The following CBR3 variants were observed in gnomAD, a reference collection of about 807,000 sequenced individuals.
CBR3 encodes the protein carbonyl reductase 3.
Under a neutral mutation model 11.6 loss-of-function variants are expected in CBR3, and 14 were observed. The ratio of observed to expected loss-of-function variants is 1.20; its 90% CI spans 0.79 to 1.88. The LOEUF (loss-of-function observed/expected upper bound fraction) is 1.88, where lower values mean the gene tolerates loss of function less well. CBR3 is among the 40% of genes most tolerant of loss of function. The pLI, the probability that CBR3 is intolerant of heterozygous loss-of-function variation, is 0.00. For synonymous variants in CBR3, 125 were observed against 145.6 expected (o/e 0.86, Z 1.02); for missense variants, 308 against 357.3 (o/e 0.86, Z 1.11).
At position 36,139,881 on chromosome 21, in the gene CBR3, CT is replaced by C. The variant is rs10689993; in HGVS notation, c.397+1971del. Among the ~76,000 whole-genome samples, 51 of 89,866 alleles carry C rather than the reference CT, an allele frequency of 5.7e-4. 1 individual carries two copies. Among genetic ancestry groups the C allele is most frequent in the South Asian group, 1.9e-3 (4 of 2,126 alleles). The allele number at this position is 89,866 out of a possible 152,430, so 59.0% of individuals were successfully genotyped here. On this transcript the variant is annotated intron_variant, in intron 2 of 2. Transcript: ENST00000290354. ...ACAAAATTATCTCTGGATGCAAAACCTTTTTTTTTTTTTTTTTTTTTTCTGA... is the reference window on the plus strand; with the variant it reads ...ACAAAATTATCTCTGGATGCAAAACCTTTTTTTTTTTTTTTTTTTTTCTGA...
chr21:36,135,278 T>A lies in CBR3; in HGVS notation c.86T>A (p.Phe29Tyr), dbSNP rs1389616712. The A allele has an allele frequency of 1.2e-6, 2 of 1,607,534 alleles. No homozygotes were observed. Among genetic ancestry groups the A allele is most frequent in the Admixed American group, 3.4e-5 (2 of 59,516 alleles). The change falls in exon 1 of 3, where the codon TTC (phenylalanine) becomes TAC (tyrosine). Residue 29 changes from phenylalanine (F) to tyrosine (Y), a missense_variant. Coordinates refer to ENST00000290354, the MANE Select transcript of CBR3 (RefSeq NM_001236.4). Reference protein sequence around the residue: ...LAIARELCRQFSGDVVLTARD... With the variant: ...LAIARELCRQYSGDVVLTARD... ...ATCGCGCGCGAACTGTGCCGACAGT[T>A]CTCTGGGGATGTGGTGCTCACCGCG...
intron 2 of CBR3, among the ~76,000 whole-genome samples, chr21:36,141,145 C>T (rs2065705526): frequency 6.6e-6 from 1 of 151,656 alleles, no homozygotes; most frequent in African/African-American, 2.4e-5. Context: ...GTGGCATGTT[C>T]CAGCTTCTCG....
At chr21:36,141,131 C>A (rs1469442610) in intron 2 of CBR3, among the ~76,000 whole-genome samples, 1 of 151,556 alleles carries the variant, frequency 6.6e-6, no homozygotes, top group Non-Finnish European at 1.5e-5. Context: ...ATTAGCTGGG[C>A]ATAGTGGCAT....
At position 36,146,545 on chromosome 21, in the gene CBR3, G is replaced by A; in HGVS notation, c.*33G>A. The A allele has an allele frequency of 6.6e-7, 1 of 1,520,014 alleles. No homozygotes were observed. The highest frequency in any genetic ancestry group is 8.9e-7 in the Non-Finnish European group (1 of 1,122,728). 94.2% of individuals were successfully genotyped at this position (1,520,014 alleles called of 1,614,324 possible). ...CTTCGGAGCTTGCTGCTTAATAAAT[G>A]TTGGTGGAATGAATGAATGAATTGA... On this transcript the variant is annotated 3_prime_UTR_variant, in exon 3 of 3. Transcript: ENST00000290354.
At chr21:36,144,298 A>G (rs1457860856) in intron 2 of CBR3, among the ~76,000 whole-genome samples, 1 of 152,118 alleles carries the variant, frequency 6.6e-6, no homozygotes, top group African/African-American at 2.4e-5. Context: ...CTCTACTAAA[A>G]AAATACAAAA....
At chr21:36,143,512 C>T (rs1186893817) in intron 2 of CBR3, among the ~76,000 whole-genome samples, 1 of 152,078 alleles carries the variant, frequency 6.6e-6, no homozygotes, top group Non-Finnish European at 1.5e-5. Context: ...TCTTTAGTAG[C>T]TGTGAATCAT....
chr21:36,144,370 A>C (rs2065738290), intron 2 of CBR3, among the ~76,000 whole-genome samples: 2 of 152,204 alleles, frequency 1.3e-5, no homozygotes, highest in Non-Finnish European at 2.9e-5. Context: ...AAGCAGTAGA[A>C]TCACTTGATC....
chr21:36,136,818 A>G (rs1219627757), intron 1 of CBR3, among the ~76,000 whole-genome samples: 2 of 152,054 alleles, frequency 1.3e-5, no homozygotes, highest in Non-Finnish European at 2.9e-5. Flanking sequence ...ACCTGAGGTC[A>G]GGAGTTCAAG....
chr21:36,140,836 T>C (rs1465956970), intron 2 of CBR3, among the ~76,000 whole-genome samples: 1 of 151,516 alleles, frequency 6.6e-6, no homozygotes, highest in Non-Finnish European at 1.5e-5. Flanking sequence ...TGAAACCCCA[T>C]CTCTACTAAA....
Position 36,146,380 on chromosome 21 carries a change from C to G in CBR3, c.702C>G (p.Asp234Glu), listed in dbSNP as rs201761603. The G allele has an allele frequency of 6.2e-7, 1 of 1,614,018 alleles. No individual in the cohort carries two copies. The highest frequency in any genetic ancestry group is 8.5e-7 in the Non-Finnish European group (1 of 1,180,034). ...NACCPGPVKTDMDGKDSIRTV... is the reference protein window; with the variant it reads ...NACCPGPVKTEMDGKDSIRTV... ...GCTGCCCAGGACCAGTGAAGACAGA[C>G]ATGGATGGGAAAGACAGCATCAGGA... Residue 234 changes from aspartate to glutamate, a missense_variant, in exon 3 of 3, where the codon GAC becomes GAG. Transcript: ENST00000290354.
At chr21:36,145,363 C>T (rs1487852495) in intron 2 of CBR3, among the ~76,000 whole-genome samples, 1 of 152,186 alleles carries the variant, frequency 6.6e-6, no homozygotes, top group East Asian at 1.9e-4. Flanking sequence ...GGGTCTCATT[C>T]GTGTCACCCA....
In CBR3 at chr21:36,146,443, C is replaced by T. The variant is rs1307176915; in HGVS notation, c.765C>T (p.Ala255=). The change falls in exon 3 of 3, where the codon GCC becomes GCT. Residue 255 remains alanine (A), a synonymous_variant. Coordinates refer to ENST00000290354, the MANE Select transcript of CBR3 (RefSeq NM_001236.4). ...GGGCTGAGACCCCTGTCTACTTGGC[C>T]CTCTTGCCTCCAGATGCCACTGAGC... ...EEGAETPVYL[A]LLPPDATEPQ... is the part of the protein sequence containing the mutation. 6.2e-7 allele frequency: 1 copy of T among 1,614,116 alleles called. No individual in the cohort carries two copies. The highest frequency in any genetic ancestry group is 8.5e-7 in the Non-Finnish European group (1 of 1,179,998).
chr21:36,141,133 T>G (rs1427436062), intron 2 of CBR3, among the ~76,000 whole-genome samples: 1 of 151,282 alleles, frequency 6.6e-6, no homozygotes, highest in Admixed American at 6.6e-5. Context: ...TAGCTGGGCA[T>G]AGTGGCATGT....
intron 1 of CBR3, among the ~76,000 whole-genome samples, chr21:36,136,618 G>A (rs540133119): frequency 2.6e-5 from 4 of 152,188 alleles, no homozygotes; most frequent in African/African-American, 9.6e-5. Flanking sequence ...TGGACGACAG[G>A]CGGAGGGACT....
chr21:36,135,479 A>C lies in CBR3; in HGVS notation c.287A>C (p.Lys96Thr). 1.9e-6 allele frequency: 3 copies of C among 1,608,834 alleles called. No homozygotes were observed. The highest frequency in any genetic ancestry group is 2.5e-6 in the Non-Finnish European group (3 of 1,176,848). ...VLVNNAAVAFKSDDPMPFDIK... is the reference protein window; with the variant it reads ...VLVNNAAVAFTSDDPMPFDIK... ...GTCAACAACGCGGCCGTCGCCTTCA[A>C]GAGTAGGTGCAGGGCTTGGGTTGGG... is the stretch of plus-strand genomic sequence containing the variant. The change falls in exon 1 of 3, where the codon AAG becomes ACG. Residue 96 changes from lysine (K) to threonine (T), a missense_variant and splice_region_variant. Physicochemically the swap from Lys to Thr is moderately conservative, Grantham distance 78. Coordinates refer to ENST00000290354, the MANE Select transcript of CBR3 (RefSeq NM_001236.4).
Position 36,135,527 on chromosome 21 carries a change from T to C in CBR3, c.289+46T>C, listed in dbSNP as rs769031361. 9.2e-6 allele frequency: 14 copies of C among 1,519,510 alleles called. No homozygotes were observed. In the African/African-American group the frequency reaches 1.9e-4, roughly 21 times the overall value. 94.1% of individuals were successfully genotyped at this position (1,519,510 alleles called of 1,614,324 possible). A position where few individuals can be genotyped will look rare whatever the true frequency, so the allele number is the denominator to read the frequency against. ...GGGGCCCCCTGGAGCGCTCCGAGGG[T>C]GCGGAGGTGGCCAGCCGCAGGCTCC... On this transcript the variant is annotated intron_variant, in intron 1 of 2. Coordinates refer to ENST00000290354, the MANE Select transcript of CBR3 (RefSeq NM_001236.4).
At chr21:36,139,886 T>TC (rs1555883073) in intron 2 of CBR3, among the ~76,000 whole-genome samples, 2 of 140,238 alleles carry the variant, frequency 1.4e-5, no homozygotes, top group Non-Finnish European at 1.6e-5. Flanking sequence ...AAAACCTTTT[T>TC]TTTTTTTTTT....
chr21:36,146,296 G>C lies in CBR3; in HGVS notation c.618G>C (p.Arg206Ser). Residue 206 changes from arginine (R) to serine (S), a missense_variant, in exon 3 of 3, where the codon AGG becomes AGC. Coordinates refer to ENST00000290354, the MANE Select transcript of CBR3 (RefSeq NM_001236.4). ...AGTTGGGGGTCACGGTCTTATCGAGGATCCTGGCCAGGCGTCTGGATGAGA... is the reference window on the plus strand; with the variant it reads ...AGTTGGGGGTCACGGTCTTATCGAGCATCCTGGCCAGGCGTCTGGATGAGA... ...VSKLGVTVLS[R>S]ILARRLDEKR... The C allele has an allele frequency of 6.2e-7, 1 of 1,614,188 alleles. No homozygotes were observed. Among genetic ancestry groups the C allele is most frequent in the South Asian group, 1.1e-5 (1 of 91,086 alleles).
intron 2 of CBR3, among the ~76,000 whole-genome samples, chr21:36,141,007 CAAAAAAAAA>C (rs1217520274): frequency 3.6e-5 from 2 of 56,206 alleles, no homozygotes; most frequent in African/African-American, 1.4e-4. Context: ...CACTCCATCT[CAAAAAAAAA>C]AAAAAAAAAA....
Sources: allele counts gnomAD v4.1 joint callset (sites outside exome capture counted in the v4.1 genomes callset), GRCh38; gene constraint gnomAD v4.1.1; transcripts MANE v1.5; gene names NCBI Gene and HGNC (gene_info 2026-07-23, HGNC 2026-07-21).